The following NBEA variants were observed in gnomAD, a reference collection of about 807,000 sequenced individuals.
The protein encoded by NBEA is lysosomal-trafficking regulator 2.
In NBEA, 44 loss-of-function variants were observed where a neutral mutation model predicts 343.4. That is an observed-to-expected ratio of 0.13 (90% CI 0.10 to 0.16). The LOEUF is 0.16. NBEA is among the 10% of genes least tolerant of loss of function. The pLI is 1.00. For synonymous variants in NBEA, 1,175 were observed against 1,238.7 expected (o/e 0.95, Z 1.08); for missense variants, 2,555 against 3,631.3 (o/e 0.70, Z 7.62).
At chr13:35,366,054 AGAC>A (rs1359623185) in intron 38 of NBEA, among the ~76,000 whole-genome samples, 1 of 151,592 alleles carries the variant, frequency 6.6e-6, no homozygotes, top group East Asian at 1.9e-4. Context: ...TAGAGAGAGA[AGAC>A]TATTTATGTT....
chr13:35,478,177 C>T (rs6562981), intron 41 of NBEA, among the ~76,000 whole-genome samples: 149,416 of 152,292 alleles, frequency 0.98, 73,364 homozygotes, highest in East Asian at 1. Flanking sequence ...TTTGCACAGG[C>T]ACAGCATCAC....
At chr13:35,254,258 A>T (rs1053729486) in intron 34 of NBEA, among the ~76,000 whole-genome samples, 4 of 151,830 alleles carry the variant, frequency 2.6e-5, no homozygotes, top group Non-Finnish European at 4.4e-5. Flanking sequence ...TAAAATGCTT[A>T]AAAAATTAAA....
At chr13:35,383,999 G>T (rs1362866225) in intron 38 of NBEA, among the ~76,000 whole-genome samples, 1 of 151,992 alleles carries the variant, frequency 6.6e-6, no homozygotes, top group African/African-American at 2.4e-5. Flanking sequence ...AGTCAATCTG[G>T]AAAGATGAAT....
rs955047210 is a variant in NBEA, at chr13:35,562,050, G to A, written c.6923-4855G>A. On this transcript the variant is annotated intron_variant, in intron 44 of 58. Transcript: ENST00000379939. ...GTGATTTTTCTGTTTTTCATTCTCTGTGTGTGGTGTGTCATTGGGAACCTG... is the reference window on the plus strand; with the variant it reads ...GTGATTTTTCTGTTTTTCATTCTCTATGTGTGGTGTGTCATTGGGAACCTG... 4.6e-5 allele frequency among the ~76,000 whole-genome samples: 7 copies of A among 151,996 alleles called. No individual in the cohort carries two copies. The South Asian group carries it at 1.5e-3, about 31-fold the overall frequency.
At chr13:34,994,105 GGATAATT>G (rs1274173217) in intron 1 of NBEA, among the ~76,000 whole-genome samples, 1 of 147,320 alleles carries the variant, frequency 6.8e-6, no homozygotes, top group Non-Finnish European at 1.5e-5. Flanking sequence ...GGCTGAGGCA[GGATAATT>G]GCTTGAACCT....
intron 11 of NBEA, among the ~76,000 whole-genome samples, chr13:35,107,818 A>T (rs2065990530): frequency 1.3e-5 from 2 of 151,990 alleles, no homozygotes; most frequent in African/African-American, 4.8e-5. Flanking sequence ...AAACTGGGGG[A>T]GCAACATGGT....
At chr13:35,017,068 G>C (rs546333869) in intron 1 of NBEA, among the ~76,000 whole-genome samples, 2 of 152,260 alleles carry the variant, frequency 1.3e-5, no homozygotes, top group South Asian at 4.1e-4. Context: ...TTTAGGCTAG[G>C]GGAGTGACAT....
chr13:35,400,306 T>C (rs1288011553), intron 38 of NBEA, among the ~76,000 whole-genome samples: 4 of 151,736 alleles, frequency 2.6e-5, no homozygotes, highest in Non-Finnish European at 5.9e-5. Context: ...TGGTATATGA[T>C]TTATTGAGCC....
At chr13:35,008,752 C>T (rs949580422) in intron 1 of NBEA, among the ~76,000 whole-genome samples, 9 of 152,190 alleles carry the variant, frequency 5.9e-5, no homozygotes, top group African/African-American at 1.7e-4. Flanking sequence ...TAAATGGAAT[C>T]ATACAATATG....
chr13:35,474,045 T>C (rs1566186360), intron 41 of NBEA: 2 of 152,132 alleles, frequency 1.3e-5, no homozygotes, highest in Non-Finnish European at 2.9e-5. Flanking sequence ...ATTGTTATCT[T>C]ATGGACCTAT....
chr13:35,353,606 A>T (rs1362509501), intron 38 of NBEA, among the ~76,000 whole-genome samples: 1 of 152,162 alleles, frequency 6.6e-6, no homozygotes, highest in Non-Finnish European at 1.5e-5. Flanking sequence ...AATATTTATC[A>T]TAATAATAGC....
intron 11 of NBEA, among the ~76,000 whole-genome samples, chr13:35,101,435 T>A (rs1326146629): frequency 6.6e-6 from 1 of 151,920 alleles, no homozygotes; most frequent in African/African-American, 2.4e-5. Flanking sequence ...TGACTAGTGA[T>A]GCTGAATATC....
At chr13:35,337,996 C>T (rs2039365026) in intron 36 of NBEA, among the ~76,000 whole-genome samples, 1 of 151,808 alleles carries the variant, frequency 6.6e-6, no homozygotes, top group African/African-American at 2.4e-5. Context: ...CTATAAGTAA[C>T]TACTTTTAAA....
intron 41 of NBEA, chr13:35,474,912 A>G: frequency 9.9e-7 from 1 of 1,008,094 alleles, no homozygotes. Flanking sequence ...GGTGGGTGAG[A>G]TGATGTTTAA....
chr13:35,381,060 G>C (rs1458347716), intron 38 of NBEA, among the ~76,000 whole-genome samples: 1 of 151,860 alleles, frequency 6.6e-6, no homozygotes, highest in Non-Finnish European at 1.5e-5. Context: ...TTCTACGAAT[G>C]GTAGTGATTG....
chr13:35,649,091 A>G (rs2084387351), intron 51 of NBEA, among the ~76,000 whole-genome samples: 1 of 152,352 alleles, frequency 6.6e-6, no homozygotes, highest in East Asian at 1.9e-4. Flanking sequence ...GAAGGGAGAA[A>G]CAAGGCTTCA....
At chr13:35,359,942 G>A (rs1358404574) in intron 38 of NBEA, among the ~76,000 whole-genome samples, 1 of 151,782 alleles carries the variant, frequency 6.6e-6, no homozygotes, top group Non-Finnish European at 1.5e-5. Context: ...GCACACCTAT[G>A]TATTGACGGT....
chr13:35,623,978 C>T (rs867779239), intron 48 of NBEA, among the ~76,000 whole-genome samples: 6 of 151,892 alleles, frequency 4.0e-5, no homozygotes, highest in African/African-American at 1.4e-4. Flanking sequence ...ATTTCATGTA[C>T]GGCTATAAAT....
chr13:35,257,181 G>T (rs1346097571), intron 34 of NBEA, among the ~76,000 whole-genome samples: 1 of 152,190 alleles, frequency 6.6e-6, no homozygotes, highest in East Asian at 1.9e-4. Context: ...TAAAGAGCAT[G>T]GCAGCTTGAT....
Sources: gnomAD v4.1 joint callset for allele counts (sites outside exome capture counted in the v4.1 genomes callset) on GRCh38, gnomAD v4.1.1 for gene constraint, MANE v1.5 for transcripts, NCBI Gene and HGNC (gene_info 2026-07-23, HGNC 2026-07-21) for gene names.